Variants in PCDHA7 observed in about 807,000 individuals in gnomAD.
PCDHA7 encodes protocadherin alpha-7.
Under a neutral mutation model 57.2 loss-of-function variants are expected in PCDHA7, and 37 were observed. That is an observed-to-expected ratio of 0.65 (90% confidence interval 0.50 to 0.85). The LOEUF (loss-of-function observed/expected upper bound fraction) is 0.85. Ranked by LOEUF, PCDHA7 falls within the 40% of genes least tolerant of loss-of-function variation. The probability of loss-of-function intolerance (pLI) is 0.00; values close to 1 mark genes in which losing one functional copy is unlikely to be tolerated. For synonymous variants in PCDHA7, 553 were observed against 558.8 expected, an observed-to-expected ratio of 0.99 and a Z score of 0.15; for missense variants, 1,188 against 1,241.8, an observed-to-expected ratio of 0.96 and a Z score of 0.65.
chr5:140,843,487 G>C, intron 1 of PCDHA7: 1 of 1,596,050 alleles, frequency 6.3e-7, no homozygotes, highest in Non-Finnish European at 8.6e-7. Context: ...CTGCGCTGCG[G>C]TGCTCAGCAC....
intron 1 of PCDHA7, chr5:140,869,092 A>G (rs782192400): frequency 1.7e-5 from 27 of 1,591,278 alleles, no homozygotes; most frequent in Non-Finnish European, 2.1e-5. Flanking sequence ...TTGGAAGCCA[A>G]TTTCGTATGC....
rs2150215189 is a variant in PCDHA7, at chr5:140,834,305, T to C, written c.-79T>C. On this transcript the variant is annotated 5_prime_UTR_variant, in exon 1 of 4. Transcript: ENST00000525929. ...GCACAACAATGGCCACACATCGAGA[T>C]TGAAATGAAGGGATAAAAACATTCC... 2 of 1,328,712 alleles carry C rather than the reference T, an allele frequency of 1.5e-6. No individual in the cohort carries two copies. The highest frequency in any genetic ancestry group is 1.5e-5 in the African/African-American group (1 of 68,226). The allele number at this position is 1,328,712 out of a possible 1,614,324, so 82.3% of individuals were successfully genotyped here. A position where few individuals can be genotyped will look rare whatever the true frequency, so the allele number is the denominator to read the frequency against.
In PCDHA7 at chr5:140,845,149, T is replaced by C. The variant is rs1779719048; in HGVS notation, c.2355+8411T>C. On this transcript the variant is annotated intron_variant, in intron 1 of 3. Coordinates refer to ENST00000525929, the MANE Select transcript of PCDHA7 (RefSeq NM_018910.3). ...TTTATTTGACTATTTGAACACATTGTGTAAAAGCGAATTGTTTTCATTTTA... is the reference window on the plus strand; with the variant it reads ...TTTATTTGACTATTTGAACACATTGCGTAAAAGCGAATTGTTTTCATTTTA... 1.3e-5 allele frequency among the ~76,000 whole-genome samples: 2 copies of C among 149,682 alleles called. 1 individual carries two copies. The highest frequency in any genetic ancestry group is 1.3e-4 in the Admixed American group (2 of 14,942).
intron 1 of PCDHA7, chr5:140,968,059 G>A (rs1554230273): frequency 6.2e-7 from 1 of 1,614,106 alleles, no homozygotes; most frequent in South Asian, 1.1e-5. Context: ...ACCGAGAGCG[G>A]GTGGCTGTCT....
intron 1 of PCDHA7, chr5:140,855,829 C>A: frequency 1.8e-6 from 1 of 560,298 alleles, no homozygotes; most frequent in East Asian, 2.9e-5. Flanking sequence ...CTCATGGAAT[C>A]GTACTTACAC....
chr5:140,938,166 G>A (rs2091953104), intron 1 of PCDHA7, among the ~76,000 whole-genome samples: 2 of 151,980 alleles, frequency 1.3e-5, no homozygotes, highest in South Asian at 4.1e-4. Flanking sequence ...GGCTAGTCTG[G>A]AGCTCCTGGG....
At position 140,856,042 on chromosome 5, in the gene PCDHA7, G is replaced by A. The variant is rs149114226; in HGVS notation, c.2355+19304G>A. On this transcript the variant is annotated intron_variant, in intron 1 of 3. Transcript: ENST00000525929. ...TTCGTCGATTTGTAAAACAAGAGAA[G>A]GATAAGATGGTTTCCAGATGTAGCT... 68 of 1,579,466 alleles carry A rather than the reference G, an allele frequency of 4.3e-5. 8 individuals carry two copies. The Admixed American group carries it at 1.1e-3, about 26-fold the overall frequency.
intron 1 of PCDHA7, among the ~76,000 whole-genome samples, chr5:140,844,460 A>T (rs1188717335): frequency 6.7e-6 from 1 of 148,896 alleles, no homozygotes; most frequent in Non-Finnish European, 1.5e-5. Context: ...TCGCCAACTT[A>T]ACATTTTTTG....
In PCDHA7 at chr5:140,911,791, C is replaced by G. The variant is rs567528220; in HGVS notation, c.2356-67158C>G. 3.9e-5 allele frequency among the ~76,000 whole-genome samples: 6 copies of G among 152,230 alleles called. No homozygotes were observed. The East Asian group carries it at 9.6e-4, about 24-fold the overall frequency. ...AGTACAGTCCTTAGCATTTTTGGGT[C>G]TAATCATATTAAGCAGCCTTCTCCA... On this transcript the variant is annotated intron_variant, in intron 1 of 3. Transcript: ENST00000525929.
chr5:140,985,128 G>C (rs908196925), intron 3 of PCDHA7, among the ~76,000 whole-genome samples: 1 of 152,056 alleles, frequency 6.6e-6, no homozygotes, highest in African/African-American at 2.4e-5. Context: ...TAGTAAAGAC[G>C]GGGTTTCACC....
rs529433053 is a variant in PCDHA7 at position 140,985,961 on chromosome 5, A to C, written c.2503+3398A>C. Among the ~76,000 whole-genome samples, 18 of 151,982 alleles carry C rather than the reference A, an allele frequency of 1.2e-4. 1 individual carries two copies. In the South Asian group the frequency reaches 3.3e-3, roughly 28 times the overall value. On this transcript the variant is annotated intron_variant, in intron 3 of 3. Transcript: ENST00000525929. Reference sequence around the variant, plus strand: ...TCACTGTGTTAGCCAGGATGGTCTCAATCTCCTGACCTCGTGATCCGCCCA... The same window carrying C: ...TCACTGTGTTAGCCAGGATGGTCTCCATCTCCTGACCTCGTGATCCGCCCA...
intron 1 of PCDHA7, among the ~76,000 whole-genome samples, chr5:140,844,800 T>C (rs1779552388): frequency 6.7e-6 from 1 of 149,422 alleles, no homozygotes; most frequent in South Asian, 2.1e-4. Flanking sequence ...AACATTTTCT[T>C]TCTTTTATTT....
chr5:140,844,047 C>A (rs2150368498), intron 1 of PCDHA7, among the ~76,000 whole-genome samples: 1 of 149,488 alleles, frequency 6.7e-6, no homozygotes, highest in African/African-American at 2.5e-5. Context: ...TGAAAGTATT[C>A]CCCCAAAGCG....
chr5:140,868,967 AC>A, intron 1 of PCDHA7: 1 of 1,435,870 alleles, frequency 7.0e-7, no homozygotes, highest in African/African-American at 1.4e-5. Context: ...ATACAAAGGA[AC>A]TCCATCATAC....
intron 3 of PCDHA7, among the ~76,000 whole-genome samples, chr5:140,983,126 G>A (rs1466016868): frequency 6.6e-6 from 1 of 152,206 alleles, no homozygotes; most frequent in African/African-American, 2.4e-5. Context: ...ACATTCTGCA[G>A]ACTGACTTTT....
At chr5:140,891,722 T>C (rs534881594) in intron 1 of PCDHA7, among the ~76,000 whole-genome samples, 1 of 152,292 alleles carries the variant, frequency 6.6e-6, no homozygotes, top group East Asian at 1.9e-4. Flanking sequence ...CAAATTCATG[T>C]GTTGAAAATT....
Position 140,852,527 on chromosome 5 carries a change from C to T in PCDHA7, c.2355+15789C>T, listed in dbSNP as rs184052538. The T allele has an allele frequency of 1.0e-4, 41 of 393,270 alleles. 2 individuals are homozygous for T. Among genetic ancestry groups the T allele is most frequent in the African/African-American group, 6.6e-4 (30 of 45,558 alleles). 24.4% of individuals were successfully genotyped at this position (393,270 alleles called of 1,614,324 possible). A position where few individuals can be genotyped will look rare whatever the true frequency, so the allele number is the denominator to read the frequency against. On this transcript the variant is annotated intron_variant, in intron 1 of 3. Transcript: ENST00000525929. ...TCCTGACCTTGTGATGCTCCCACCT[C>T]GGCCTCCCAAAGTGCTGGGATTAAA...
At chr5:140,989,373 C>A (rs1189877807) in intron 3 of PCDHA7, among the ~76,000 whole-genome samples, 1 of 152,088 alleles carries the variant, frequency 6.6e-6, no homozygotes, top group Non-Finnish European at 1.5e-5. Context: ...TGACTGAGAG[C>A]TTTGTGGGAA....
At chr5:140,966,811 G>T (rs377370256) in intron 1 of PCDHA7, 6 of 1,549,722 alleles carry the variant, frequency 3.9e-6, no homozygotes, top group African/African-American at 1.4e-5. Context: ...AGCATCCACG[G>T]CTCCGGCGGC....
Sources: allele counts gnomAD v4.1 joint callset (sites outside exome capture counted in the v4.1 genomes callset), GRCh38; gene constraint gnomAD v4.1.1; transcripts MANE v1.5; gene names NCBI Gene and HGNC (gene_info 2026-07-23, HGNC 2026-07-21).